TAFA2: variants seen among roughly 807,000 people sequenced by gnomAD.
TAFA2 encodes TAFA chemokine like family member 2.
A neutral mutation model predicts 18.8 loss-of-function variants in TAFA2; 7 were observed. That is an observed-to-expected ratio of 0.37 (90% CI 0.21 to 0.70). The LOEUF is 0.70. TAFA2 is among the 30% of genes least tolerant of loss of function. TAFA2 has a pLI of 0.53. For missense variants in TAFA2, 122 were observed against 158.1 expected (o/e 0.77, Z 1.23); for synonymous variants, 60 against 54.2 (o/e 1.11, Z -0.47).
chr12:61,940,458 G>A (rs1424008019), intron 1 of TAFA2, among the ~76,000 whole-genome samples: 1 of 152,216 alleles, frequency 6.6e-6, no homozygotes. Flanking sequence ...AAGGTGCCCA[G>A]GTGGGGAAGA....
rs1565725518 is a variant in TAFA2, at chr12:62,041,287, GA to G, written c.-2+149971del. Among the ~76,000 whole-genome samples the G allele has an allele frequency of 2.6e-5, 4 of 152,078 alleles. No homozygotes were observed. In the South Asian group the frequency reaches 8.3e-4, roughly 31 times the overall value. On this transcript the variant is annotated intron_variant, in intron 1 of 4. Transcript: ENST00000416284. ...CAATTGCCCAAGATCAGAGAGCTTT[GA>G]AAAAAAGAAAAATTTTCAAAGTCAC...
At chr12:62,043,123 G>A (rs1233651733) in intron 1 of TAFA2, among the ~76,000 whole-genome samples, 1 of 152,098 alleles carries the variant, frequency 6.6e-6, no homozygotes, top group Admixed American at 6.6e-5. Context: ...TTTAATGTAT[G>A]TATTAAATCC....
At chr12:61,950,634 G>C (rs144899757) in intron 1 of TAFA2, among the ~76,000 whole-genome samples, 5 of 152,124 alleles carry the variant, frequency 3.3e-5, no homozygotes, top group Admixed American at 2.6e-4. Flanking sequence ...TTGTTGAGTT[G>C]TAAGAATTCT....
intron 2 of TAFA2, among the ~76,000 whole-genome samples, chr12:61,844,889 AT>A (rs1873338530): frequency 6.6e-6 from 1 of 152,138 alleles, no homozygotes; most frequent in Non-Finnish European, 1.5e-5. Context: ...GAATATAGAC[AT>A]TGTGTGTGTG....
intron 1 of TAFA2, among the ~76,000 whole-genome samples, chr12:61,889,386 C>T (rs1875532002): frequency 6.6e-6 from 1 of 152,150 alleles, no homozygotes; most frequent in Non-Finnish European, 1.5e-5. Context: ...GCTCAGTCTG[C>T]ACCACTAGAT....
intron 1 of TAFA2, among the ~76,000 whole-genome samples, chr12:62,122,239 T>C (rs1870230237): frequency 6.6e-6 from 1 of 152,196 alleles, no homozygotes; most frequent in Non-Finnish European, 1.5e-5. Context: ...TAAAAGCCCA[T>C]GCTATCTGAT....
Position 62,059,135 on chromosome 12 carries a change from GTATA to G in TAFA2, c.-2+132120_-2+132123del, listed in dbSNP as rs1270538528. On this transcript the variant is annotated intron_variant, in intron 1 of 4. Transcript: ENST00000416284. ...ATAATAATAATATATATATATGTGT[GTATA>G]TGTGTGTGTGTGTGTGTGTGTGTGT... 6.9e-4 allele frequency among the ~76,000 whole-genome samples: 85 copies of G among 122,484 alleles called. 2 individuals carry two copies. The highest frequency in any genetic ancestry group is 2.6e-3 in the African/African-American group (83 of 31,488). 80.4% of individuals were successfully genotyped at this position (122,484 alleles called of 152,430 possible). A position where few individuals can be genotyped will look rare whatever the true frequency, so the allele number is the denominator to read the frequency against.
intron 1 of TAFA2, among the ~76,000 whole-genome samples, chr12:62,011,841 G>A (rs901802024): frequency 1.3e-5 from 2 of 151,832 alleles, no homozygotes; most frequent in Non-Finnish European, 1.5e-5. Context: ...CCCTGCAACT[G>A]CACTAAGCTC....
chr12:61,915,400 C>G (rs1051997981), intron 1 of TAFA2, among the ~76,000 whole-genome samples: 6 of 152,212 alleles, frequency 3.9e-5, no homozygotes, highest in Non-Finnish European at 8.8e-5. Flanking sequence ...TTGGTACAAA[C>G]TCTTTTTCCC....
At chr12:62,067,253 A>G (rs1377975248) in intron 1 of TAFA2, among the ~76,000 whole-genome samples, 4 of 151,586 alleles carry the variant, frequency 2.6e-5, no homozygotes, top group African/African-American at 9.7e-5. Context: ...ATTTTCTCCC[A>G]TTCTTTGGGT....
intron 1 of TAFA2, among the ~76,000 whole-genome samples, chr12:62,116,205 A>G (rs1485509250): frequency 1.3e-5 from 2 of 152,172 alleles, no homozygotes; most frequent in Non-Finnish European, 2.9e-5. Context: ...CAAGACAGAT[A>G]GCTATCTTTC....
intron 1 of TAFA2, among the ~76,000 whole-genome samples, chr12:62,009,878 T>G (rs566019634): frequency 6.6e-6 from 1 of 152,294 alleles, no homozygotes; most frequent in Admixed American, 6.5e-5. Flanking sequence ...CTTTCCGTCT[T>G]CAGACACTGA....
At chr12:62,249,130 A>G (rs2062899827) in intron 1 of TAFA2, among the ~76,000 whole-genome samples, 1 of 151,980 alleles carries the variant, frequency 6.6e-6, no homozygotes, top group South Asian at 2.1e-4. Context: ...ATGTTACCAC[A>G]CATTGCACAA....
rs867726846 is a variant in TAFA2 at position 62,078,416 on chromosome 12, G to A, written c.-2+112843C>T. ...TACCCTAAAACTTAAAGTATAATTG[G>A]AAAAAAAAAAAAAAGAACTGGATCA... On this transcript the variant is annotated intron_variant, in intron 1 of 4. Coordinates refer to ENST00000416284, the MANE Select transcript of TAFA2 (RefSeq NM_178539.5). 2.3e-4 allele frequency among the ~76,000 whole-genome samples: 33 copies of A among 143,482 alleles called. No homozygotes were observed. The Middle Eastern group carries it at 0.014, about 62-fold the overall frequency. 94.1% of individuals were successfully genotyped at this position (143,482 alleles called of 152,430 possible). A position where few individuals can be genotyped will look rare whatever the true frequency, so the allele number is the denominator to read the frequency against.
intron 1 of TAFA2, among the ~76,000 whole-genome samples, chr12:62,000,709 A>T (rs562410732): frequency 8.7e-6 from 1 of 114,358 alleles, no homozygotes; most frequent in Non-Finnish European, 1.9e-5. Context: ...AAGGTATAAT[A>T]AATACATTGT....
rs1438275920 is a variant in TAFA2 at position 61,827,357 on chromosome 12, C to CTTA, written c.106+39960_106+39962dup. On this transcript the variant is annotated intron_variant, in intron 2 of 4. Coordinates refer to ENST00000416284, the MANE Select transcript of TAFA2 (RefSeq NM_178539.5). ...TTGGATCTTAAGTCATGTTGCTGAA[C>CTTA]TTATAGCCATGTGATTCCAAAAAGC... 14 of 152,140 alleles carry CTTA rather than the reference C, an allele frequency of 9.2e-5. No individual in the cohort carries two copies. The East Asian group carries it at 2.7e-3, about 29-fold the overall frequency. 9.4% of individuals were successfully genotyped at this position (152,140 alleles called of 1,614,324 possible).
chr12:61,993,946 T>C (rs1159188538), intron 1 of TAFA2, among the ~76,000 whole-genome samples: 3 of 152,112 alleles, frequency 2.0e-5, no homozygotes, highest in East Asian at 3.9e-4. Flanking sequence ...CTACCACCTA[T>C]AGATGAAAGC....
intron 1 of TAFA2, among the ~76,000 whole-genome samples, chr12:61,876,123 C>A (rs1874835071): frequency 1.3e-5 from 2 of 152,014 alleles, no homozygotes; most frequent in South Asian, 4.2e-4. Context: ...TTTTATAATG[C>A]AAATAATAAG....
chr12:62,073,967 A>C, intron 1 of TAFA2, among the ~76,000 whole-genome samples: 1 of 152,280 alleles, frequency 6.6e-6, no homozygotes, highest in East Asian at 1.9e-4. Context: ...GCCATAGTAT[A>C]CAATACAAAT....
Sources: gnomAD v4.1 joint callset for allele counts (sites outside exome capture counted in the v4.1 genomes callset) on GRCh38, gnomAD v4.1.1 for gene constraint, MANE v1.5 for transcripts, NCBI Gene and HGNC (gene_info 2026-07-23, HGNC 2026-07-21) for gene names.